ZFP57: variants seen among roughly 807,000 people sequenced by gnomAD.
ZFP57 encodes the protein zinc finger protein 57 homolog.
Under a neutral mutation model 15.8 loss-of-function variants are expected in ZFP57, and 12 were observed. The ratio of observed to expected loss-of-function variants is 0.76; its 90% CI spans 0.49 to 1.23. The LOEUF is 1.23. ZFP57 is among the 50% of genes most tolerant of loss of function. The probability of loss-of-function intolerance (pLI) is 0.00; values close to 1 mark genes in which losing one functional copy is unlikely to be tolerated. For synonymous variants in ZFP57, 203 were observed against 242.3 expected (o/e 0.84, Z 1.51); for missense variants, 536 against 654.9 (o/e 0.82, Z 1.98).
chr6:29,676,122 G>C lies in ZFP57; in HGVS notation c.124-63C>G, dbSNP rs1437593366. The C allele has an allele frequency of 5.1e-5, 76 of 1,486,674 alleles. 2 individuals carry two copies. Among genetic ancestry groups the C allele is most frequent in the Non-Finnish European group, 7.0e-5 (75 of 1,074,486 alleles). 92.1% of individuals were successfully genotyped at this position (1,486,674 alleles called of 1,614,324 possible). A position where few individuals can be genotyped will look rare whatever the true frequency, so the allele number is the denominator to read the frequency against. On this transcript the variant is annotated intron_variant, in intron 2 of 4. Transcript: ENST00000376883. Reference sequence around the variant, plus strand: ...TATATATGTGTGTGTGTGTGTGTGTGTGTACAAGATTAACATCCAGTCTCA... The same window carrying C: ...TATATATGTGTGTGTGTGTGTGTGTCTGTACAAGATTAACATCCAGTCTCA...
chr6:29,676,905 G>T lies in ZFP57; in HGVS notation c.99C>A (p.Cys33Ter). Residue 33 changes from cysteine (C) to a stop codon, truncating the protein, a stop_gained, in exon 2 of 5, where the codon TGC becomes TGA. Coordinates refer to ENST00000376883, the MANE Select transcript of ZFP57 (RefSeq NM_001109809.5). LOFTEE classifies it high-confidence loss of function. ...ATLQEAMKRDCWREARVKKKP... is the reference protein window; with the variant it reads ...ATLQEAMKRD ...CCTTCTTCACCCGTGCCTCCCTCCA[G>T]CAATCTCTCTTCATGGCTTCCTGCA... 2 of 1,614,170 alleles carry T rather than the reference G, an allele frequency of 1.2e-6. No homozygotes were observed. The highest frequency in any genetic ancestry group is 1.7e-6 in the Non-Finnish European group (2 of 1,180,040).
chr6:29,675,880 T>A, intron 3 of ZFP57, 53 bp downstream of exon 3: 1 of 1,611,352 alleles, frequency 6.2e-7, no homozygotes, highest in Non-Finnish European at 8.5e-7. Flanking sequence ...GGAAACCAGA[T>A]GTTCCAGGGC....
At position 29,673,240 on chromosome 6, in the gene ZFP57, G is replaced by C. The variant is rs200369502; in HGVS notation, c.871C>G (p.Gln291Glu). The change falls in exon 5 of 5, where the codon CAG (glutamine) becomes GAG (glutamate). Residue 291 changes from glutamine (Q) to glutamate (E), a missense_variant. Coordinates refer to ENST00000376883, the MANE Select transcript of ZFP57 (RefSeq NM_001109809.5). The surrounding 1 kb of genome is among the most constrained non-coding windows in gnomAD (Gnocchi z 4.7). Reference sequence around the variant, plus strand: ...CCTGGAATCCTCAAAGTACACTCCTGGTTTCCATCCACTGGCTCCTGGTTT... The same window carrying C: ...CCTGGAATCCTCAAAGTACACTCCTCGTTTCCATCCACTGGCTCCTGGTTT... Reference protein sequence around the residue: ...HQNQEPVDGNQECTLRIPGTQ... With the variant: ...HQNQEPVDGNEECTLRIPGTQ... The C allele has an allele frequency of 2.5e-6, 4 of 1,612,950 alleles. No homozygotes were observed. The highest frequency in any genetic ancestry group is 1.7e-5 in the Admixed American group (1 of 60,000).
At position 29,672,581 on chromosome 6, in the gene ZFP57, G is replaced by T. The variant is rs772117596; in HGVS notation, c.1530C>A (p.Thr510=). 8 of 1,612,506 alleles carry T rather than the reference G, an allele frequency of 5.0e-6. No individual in the cohort carries two copies. The Admixed American group carries it at 5.0e-5, about 10-fold the overall frequency. The change falls in exon 5 of 5, where the codon ACC becomes ACA. Residue 510 remains threonine (T), a synonymous_variant. Transcript: ENST00000376883. ...TCTCTCTTAGGCCTCTTCTCCTGGG[G>T]GTATGGATCCTGGGGGGAGATTGAT... ...GGDQSPPRIH[T]PRRRGLREKA...
At position 29,673,234 on chromosome 6, in the gene ZFP57, A is replaced by T; in HGVS notation, c.877T>A (p.Cys293Ser). Reference protein sequence around the residue: ...NQEPVDGNQECTLRIPGTQAE... With the variant: ...NQEPVDGNQESTLRIPGTQAE... ...TGGGTGCCTGGAATCCTCAAAGTAC[A>T]CTCCTGGTTTCCATCCACTGGCTCC... The change falls in exon 5 of 5, where the codon TGT (cysteine) becomes AGT (serine). Residue 293 changes from cysteine (C) to serine (S), a missense_variant. By Grantham distance (112) the Cys-to-Ser change is moderately radical (BLOSUM62 -1). Transcript: ENST00000376883. This position sits in a 1 kb window ranked among gnomAD's most constrained non-coding sequence, Gnocchi z 4.7. 7 of 1,611,972 alleles carry T rather than the reference A, an allele frequency of 4.3e-6. No homozygotes were observed. The highest frequency in any genetic ancestry group is 5.9e-6 in the Non-Finnish European group (7 of 1,179,782).
In ZFP57 at chr6:29,672,593, G is replaced by C. The variant is rs754092341; in HGVS notation, c.1518C>G (p.Pro506=). ...EWKHGGDQSP[P]RIHTPRRRGL... is the part of the protein sequence containing the mutation. ...CTCTTCTCCTGGGGGTATGGATCCTGGGGGGAGATTGATCACCTCCATGCT... is the reference window on the plus strand; with the variant it reads ...CTCTTCTCCTGGGGGTATGGATCCTCGGGGGAGATTGATCACCTCCATGCT... The change falls in exon 5 of 5, where the codon CCC becomes CCG. Residue 506 remains proline, a synonymous_variant. Transcript: ENST00000376883. 5 of 1,612,246 alleles carry C rather than the reference G, an allele frequency of 3.1e-6. No individual in the cohort carries two copies. The South Asian group carries it at 5.5e-5, about 18-fold the overall frequency.
chr6:29,673,658 G>C lies in ZFP57; in HGVS notation c.453C>G (p.Cys151Trp), dbSNP rs1278377025. 2 of 1,612,858 alleles carry C rather than the reference G, an allele frequency of 1.2e-6. No individual in the cohort carries two copies. The highest frequency in any genetic ancestry group is 1.7e-5 in the Admixed American group (1 of 60,004). Residue 151 changes from cysteine (C) to tryptophan (W), a missense_variant, in exon 5 of 5, where the codon TGC (cysteine) becomes TGG (tryptophan). Physicochemically the swap from Cys to Trp is radical, Grantham distance 215. Coordinates refer to ENST00000376883, the MANE Select transcript of ZFP57 (RefSeq NM_001109809.5). This position sits in a 1 kb window ranked among gnomAD's most constrained non-coding sequence, Gnocchi z 4.7. ...TAGTCCCAGCTGGGGCAGATAGGGG[G>C]CACTGGCCGGCCCCTCTGCATGCAA... ...VFLACRGAGQ[C>W]PLSAPAGTMD...
intron 1 of ZFP57, 65 bp downstream of exon 1, chr6:29,680,997 G>C (rs1017909341): frequency 2.6e-5 from 4 of 152,210 alleles, no homozygotes; most frequent in Non-Finnish European, 5.9e-5. Context: ...TCAGAGGAGT[G>C]GGGACAACAT....
intron 1 of ZFP57, among the ~76,000 whole-genome samples, chr6:29,678,677 A>G (rs1331605084): frequency 6.6e-6 from 1 of 152,156 alleles, no homozygotes; most frequent in Admixed American, 6.6e-5. Context: ...ATTGTTGTCA[A>G]TCTCTTACCA....
chr6:29,672,715 C>T lies in ZFP57; in HGVS notation c.1396G>A (p.Asp466Asn), dbSNP rs1339349810. 6.2e-7 allele frequency: 1 copy of T among 1,613,030 alleles called. No individual in the cohort carries two copies. ...TTATGGTGGCTGCTCTGGCACAGGT[C>T]CTTGCCTTTATAGCCCCTCCAGTGA... is the stretch of plus-strand genomic sequence containing the variant. ...MDHWRGYKGKDLCQSSHHKCR... is the reference protein window; with the variant it reads ...MDHWRGYKGKNLCQSSHHKCR... The change falls in exon 5 of 5, where the codon GAC (aspartate) becomes AAC (asparagine). Residue 466 changes from aspartate (D) to asparagine (N), a missense_variant. Coordinates refer to ENST00000376883, the MANE Select transcript of ZFP57 (RefSeq NM_001109809.5).
chr6:29,674,800 C>T (rs1335831847), intron 4 of ZFP57, among the ~76,000 whole-genome samples: 5 of 152,154 alleles, frequency 3.3e-5, no homozygotes, highest in Non-Finnish European at 7.3e-5. Context: ...ACATAAGCAA[C>T]TTTCATGTCA....
chr6:29,676,560 A>AAAAAAGAAAAAAAAT (rs1562226873), intron 2 of ZFP57, among the ~76,000 whole-genome samples: 4 of 144,386 alleles, frequency 2.8e-5, no homozygotes, highest in Non-Finnish European at 4.6e-5. Flanking sequence ...GAAAAAAAAA[A>AAAAAAGAAAAAAAAT]AAAGGAAAGG....
At chr6:29,675,726 C>G (rs896112554) in intron 3 of ZFP57, among the ~76,000 whole-genome samples, 2 of 152,214 alleles carry the variant, frequency 1.3e-5, no homozygotes, top group Non-Finnish European at 2.9e-5. Context: ...ACACTGTCAT[C>G]ATGTTACAAG....
Position 29,673,277 on chromosome 6 carries a change from C to T in ZFP57, c.834G>A (p.Gln278=), listed in dbSNP as rs1562221400. 4 of 1,612,960 alleles carry T rather than the reference C, an allele frequency of 2.5e-6. No homozygotes were observed. The highest frequency in any genetic ancestry group is 4.5e-5 in the East Asian group (2 of 44,896). The change falls in exon 5 of 5, where the codon CAG becomes CAA. Residue 278 remains glutamine, a synonymous_variant. Transcript: ENST00000376883. This position sits in a 1 kb window ranked among gnomAD's most constrained non-coding sequence, Gnocchi z 4.7. ...CTGGCTCCTGGTTTTGGTGTATCTT[C>T]TGGTGGCGTTTGAGCTCAGACTGGT... The part of the protein sequence containing the change: ...FRDQSELKRH[Q]KIHQNQEPVD...
Position 29,679,855 on chromosome 6 carries a change from G to C in ZFP57, c.-364+1207C>G, listed in dbSNP as rs369262853. Among the ~76,000 whole-genome samples, 76 of 152,096 alleles carry C rather than the reference G, an allele frequency of 5.0e-4. 1 individual carries two copies. In the South Asian group the frequency reaches 7.3e-3, roughly 15 times the overall value. ...GCGGAGATCGCGCCATTGCACTCCAGCCAGGGAAATGAGAGTGAAACTCCG... is the reference window on the plus strand; with the variant it reads ...GCGGAGATCGCGCCATTGCACTCCACCCAGGGAAATGAGAGTGAAACTCCG... On this transcript the variant is annotated intron_variant, in intron 1 of 4. Transcript: ENST00000376883.
In ZFP57 at chr6:29,673,330, A is replaced by G. The variant is rs1426725604; in HGVS notation, c.781T>C (p.Cys261Arg). Residue 261 changes from cysteine (C) to arginine (R), a missense_variant, in exon 5 of 5, where the codon TGC (cysteine) becomes CGC (arginine). Physicochemically the swap from Cys to Arg is radical, Grantham distance 180. Coordinates refer to ENST00000376883, the MANE Select transcript of ZFP57 (RefSeq NM_001109809.5). The surrounding 1 kb of genome is among the most constrained non-coding windows in gnomAD (Gnocchi z 4.7). ...RVHLGYRPHS[C>R]SVCGKSFRDQ... ...CGGAAGCTCTTCCCACACACAGAGC[A>G]TGAATGGGGCCGGTAACCCAGATGG... is the stretch of plus-strand genomic sequence containing the variant. The G allele has an allele frequency of 1.2e-6, 2 of 1,613,054 alleles. No individual in the cohort carries two copies.
At chr6:29,680,398 A>G (rs1360791707) in intron 1 of ZFP57, among the ~76,000 whole-genome samples, 1 of 152,144 alleles carries the variant, frequency 6.6e-6, no homozygotes, top group African/African-American at 2.4e-5. Flanking sequence ...AACAGTTGCA[A>G]TGCTTAGTGG....
intron 2 of ZFP57, 39 bp from the exon 3 acceptor site, chr6:29,676,098 A>ATGTGTGTGTGTGTGTGTGTG (rs772885845): frequency 0.023 from 29,316 of 1,269,450 alleles, 910 homozygotes; most frequent in East Asian, 0.1. Context: ...TTATATAAAT[A>ATGTGTGTGTGTGTGTGTGTG]TATATGTGTG....
chr6:29,678,663 A>G (rs941163035), intron 1 of ZFP57, among the ~76,000 whole-genome samples: 1 of 152,014 alleles, frequency 6.6e-6, no homozygotes, highest in Non-Finnish European at 1.5e-5. Context: ...TCTTATTACT[A>G]GTTATTGTTG....
Sources: allele counts gnomAD v4.1 joint callset (sites outside exome capture counted in the v4.1 genomes callset), GRCh38; gene constraint gnomAD v4.1.1; non-coding constraint Gnocchi (gnomAD v3.1); transcripts MANE v1.5; gene names NCBI Gene and HGNC (gene_info 2026-07-23, HGNC 2026-07-21).